The following GDPD1 variants were observed in gnomAD, a reference collection of about 807,000 sequenced individuals.
The protein encoded by GDPD1 is glycerophosphodiester phosphodiesterase domain containing 1.
Under a neutral mutation model 45.1 loss-of-function variants are expected in GDPD1, and 28 were observed. That is an observed-to-expected ratio of 0.62 (90% CI 0.46 to 0.85). The LOEUF is 0.85. Ranked by LOEUF, GDPD1 falls within the 40% of genes least tolerant of loss-of-function variation. The pLI is 0.00. For missense variants in GDPD1, 256 were observed against 364.8 expected, an observed-to-expected ratio of 0.70 and a Z score of 2.43; for synonymous variants, 139 against 131.4, an observed-to-expected ratio of 1.06 and a Z score of -0.40.
In GDPD1 at chr17:59,223,533, C is replaced by T. The variant is rs567135966; in HGVS notation, c.142+2782C>T. Among the ~76,000 whole-genome samples the T allele has an allele frequency of 3.7e-4, 56 of 152,252 alleles. 1 individual carries two copies. The South Asian group carries it at 0.011, about 31-fold the overall frequency. ...TTGCCTTTAATTTTTGTCTTCGACA[C>T]GGATAATAGCAATCACTGGTCTCTC... On this transcript the variant is annotated intron_variant, in intron 1 of 9. Transcript: ENST00000284116.
intron 1 of GDPD1, among the ~76,000 whole-genome samples, chr17:59,231,981 A>G (rs1001923756): frequency 2.0e-5 from 3 of 152,156 alleles, no homozygotes; most frequent in African/African-American, 4.8e-5. Context: ...ACTGTTGCCA[A>G]TGCTTGGAAA....
chr17:59,251,377 G>C lies in GDPD1; in HGVS notation c.367+2592G>C, dbSNP rs549172170. Reference sequence around the variant, plus strand: ...CTACTAAAAATACAAAAATTAGCCGGGCATGGTGACATGCACCTATAATCC... The same window carrying C: ...CTACTAAAAATACAAAAATTAGCCGCGCATGGTGACATGCACCTATAATCC... On this transcript the variant is annotated intron_variant, in intron 4 of 9. Transcript: ENST00000284116. Among the ~76,000 whole-genome samples the C allele has an allele frequency of 4.6e-5, 7 of 151,980 alleles. No individual in the cohort carries two copies. The South Asian group carries it at 1.5e-3, about 32-fold the overall frequency.
chr17:59,263,475 T>C (rs2047373827), intron 6 of GDPD1, among the ~76,000 whole-genome samples: 1 of 58,910 alleles, frequency 1.7e-5, no homozygotes, highest in Non-Finnish European at 3.3e-5. Context: ...AATTCTTTTT[T>C]TCCTTTCCTT....
chr17:59,251,710 A>G (rs1317586986), intron 4 of GDPD1, among the ~76,000 whole-genome samples: 1 of 152,058 alleles, frequency 6.6e-6, no homozygotes, highest in Non-Finnish European at 1.5e-5. Context: ...AACCGTGTGT[A>G]AAAACTTGAC....
chr17:59,261,608 G>C (rs1183238618), intron 6 of GDPD1, among the ~76,000 whole-genome samples: 1 of 151,802 alleles, frequency 6.6e-6, no homozygotes, highest in Admixed American at 6.6e-5. Context: ...ATGGTCTCCT[G>C]CCTCAGCCTC....
chr17:59,236,481 T>TTTG (rs553192288), intron 2 of GDPD1, among the ~76,000 whole-genome samples: 281 of 151,862 alleles, frequency 1.9e-3, no homozygotes, highest in Middle Eastern at 3.4e-3. Flanking sequence ...ACATGCTATT[T>TTTG]TTGTTGTTGT....
At chr17:59,239,617 AT>A (rs1266960562) in intron 2 of GDPD1, among the ~76,000 whole-genome samples, 4 of 152,140 alleles carry the variant, frequency 2.6e-5, no homozygotes, top group Middle Eastern at 3.4e-3. Context: ...TATTGTTCTA[AT>A]TTTTTTATCT....
At chr17:59,269,586 G>A (rs994845465) in intron 7 of GDPD1, among the ~76,000 whole-genome samples, 2 of 151,770 alleles carry the variant, frequency 1.3e-5, no homozygotes, top group East Asian at 3.9e-4. Flanking sequence ...ACTTTGGGAG[G>A]CAGAGGCAGG....
chr17:59,267,845 GT>G (rs1397269629), intron 7 of GDPD1, among the ~76,000 whole-genome samples: 1 of 151,596 alleles, frequency 6.6e-6, no homozygotes, highest in African/African-American at 2.4e-5. Flanking sequence ...AATTTTTGTA[GT>G]TTTAGTAGAG....
intron 2 of GDPD1, among the ~76,000 whole-genome samples, chr17:59,237,549 G>T (rs978850995): frequency 6.6e-6 from 1 of 152,114 alleles, no homozygotes; most frequent in African/African-American, 2.4e-5. Flanking sequence ...AGTTGAGGGA[G>T]AGATAGTAAA....
intron 7 of GDPD1, among the ~76,000 whole-genome samples, chr17:59,268,984 C>T (rs2047422925): frequency 1.3e-5 from 2 of 150,944 alleles, no homozygotes; most frequent in African/African-American, 4.9e-5. Context: ...AGCGAGACTC[C>T]TTCTCAAAAA....
At chr17:59,261,633 C>G (rs986460471) in intron 6 of GDPD1, among the ~76,000 whole-genome samples, 1 of 151,790 alleles carries the variant, frequency 6.6e-6, no homozygotes, top group Non-Finnish European at 1.5e-5. Flanking sequence ...GTAGCTTGGA[C>G]TACAGGTGCA....
chr17:59,233,431 A>G (rs1341880001), intron 1 of GDPD1, among the ~76,000 whole-genome samples: 1 of 148,348 alleles, frequency 6.7e-6, no homozygotes, highest in South Asian at 2.2e-4. Context: ...AGAATGGCGT[A>G]AGCCCGGGAG....
chr17:59,237,939 G>A (rs1465783736), intron 2 of GDPD1, among the ~76,000 whole-genome samples: 2 of 146,658 alleles, frequency 1.4e-5, no homozygotes, highest in Non-Finnish European at 3.0e-5. Context: ...GCACAGCCTG[G>A]GCAACAGAGC....
chr17:59,258,900 T>C (rs2047330272), intron 6 of GDPD1, among the ~76,000 whole-genome samples: 1 of 151,906 alleles, frequency 6.6e-6, no homozygotes, highest in Admixed American at 6.6e-5. Context: ...AGTGGGAGGA[T>C]TGCTTGAGCC....
intron 2 of GDPD1, among the ~76,000 whole-genome samples, chr17:59,236,257 A>G (rs1468905272): frequency 1.3e-5 from 2 of 152,068 alleles, no homozygotes; most frequent in African/African-American, 4.8e-5. Flanking sequence ...TCCTCTTAAC[A>G]TTTTTCTGAT....
intron 6 of GDPD1, among the ~76,000 whole-genome samples, chr17:59,260,400 G>T (rs2047346390): frequency 6.6e-6 from 1 of 151,896 alleles, no homozygotes; most frequent in African/African-American, 2.4e-5. Context: ...AAATTAGCCG[G>T]GCATGGTGGT....
At chr17:59,261,612 C>T (rs2047356099) in intron 6 of GDPD1, among the ~76,000 whole-genome samples, 1 of 151,884 alleles carries the variant, frequency 6.6e-6, no homozygotes, top group African/African-American at 2.4e-5. Flanking sequence ...TCTCCTGCCT[C>T]AGCCTCCTGT....
intron 6 of GDPD1, among the ~76,000 whole-genome samples, chr17:59,265,427 G>A (rs1008104751): frequency 2.6e-5 from 4 of 151,540 alleles, no homozygotes; most frequent in African/African-American, 9.7e-5. Flanking sequence ...AGTCCCAGCT[G>A]TTTGGGAGTC....
Sources: gnomAD v4.1 joint callset for allele counts (sites outside exome capture counted in the v4.1 genomes callset) on GRCh38, gnomAD v4.1.1 for gene constraint, MANE v1.5 for transcripts, NCBI Gene and HGNC (gene_info 2026-07-23, HGNC 2026-07-21) for gene names.